ANK3: variants seen among roughly 807,000 people sequenced by gnomAD.
The protein encoded by ANK3 is ankyrin-3.
In ANK3, 57 loss-of-function variants were observed where a neutral mutation model predicts 370.9. The observed-to-expected ratio is 0.15, with a 90% CI of 0.12 to 0.19. The LOEUF is 0.19. Ranked by LOEUF, ANK3 falls within the 10% of genes least tolerant of loss-of-function variation. The probability of loss-of-function intolerance (pLI) is 1.00; values close to 1 mark genes in which losing one functional copy is unlikely to be tolerated. For synonymous variants in ANK3, 1,929 were observed against 1,946.3 expected, an observed-to-expected ratio of 0.99 and a Z score of 0.23; for missense variants, 4,439 against 5,302.1, an observed-to-expected ratio of 0.84 and a Z score of 5.06.
At chr10:60,687,531 A>ACACACACAC (rs111633246) in intron 1 of ANK3, among the ~76,000 whole-genome samples, 10 of 121,006 alleles carry the variant, frequency 8.3e-5, no homozygotes, top group African/African-American at 3.6e-4. Flanking sequence ...CTGGTATAAA[A>ACACACACAC]AAAAACACAC....
intron 23 of ANK3, among the ~76,000 whole-genome samples, chr10:60,141,238 A>C (rs181454508): frequency 4.5e-4 from 68 of 152,294 alleles, no homozygotes; most frequent in African/African-American, 1.1e-3. Flanking sequence ...AGTTGGAAAA[A>C]GCAAATGGGT....
intron 43 of ANK3, among the ~76,000 whole-genome samples, chr10:60,041,950 T>A (rs10994162): frequency 6.6e-6 from 1 of 151,694 alleles, no homozygotes; most frequent in Non-Finnish European, 1.5e-5. Context: ...AGAAGACTGG[T>A]GGTGAACTAA....
At chr10:60,169,363 A>AGTTTGTTT (rs372143456) in intron 21 of ANK3, among the ~76,000 whole-genome samples, 2 of 47,320 alleles carry the variant, frequency 4.2e-5, no homozygotes, top group African/African-American at 1.7e-4. Flanking sequence ...CTTGTCTCAT[A>AGTTTGTTT]GTTTTTTTTT....
At chr10:60,183,533 T>C (rs925744405) in intron 17 of ANK3, among the ~76,000 whole-genome samples, 2 of 152,140 alleles carry the variant, frequency 1.3e-5, no homozygotes, top group Admixed American at 6.6e-5. Context: ...CTGTTAATCT[T>C]TTATGGCATT....
At chr10:60,045,063 A>T (rs2131874760) in intron 42 of ANK3, among the ~76,000 whole-genome samples, 1 of 152,318 alleles carries the variant, frequency 6.6e-6, no homozygotes, top group South Asian at 2.1e-4. Context: ...AATCTATAAG[A>T]ACACAAAGTT....
intron 1 of ANK3, among the ~76,000 whole-genome samples, chr10:60,720,917 T>C (rs981980452): frequency 3.3e-5 from 5 of 152,188 alleles, no homozygotes; most frequent in African/African-American, 1.2e-4. Context: ...CCAGACCTTT[T>C]GAAGGTCAAA....
At position 60,072,120 on chromosome 10, in the gene ANK3, C is replaced by A. The variant is rs773187995; in HGVS notation, c.8761G>T (p.Val2921Leu). 3 of 1,613,926 alleles carry A rather than the reference C, an allele frequency of 1.9e-6. No individual in the cohort carries two copies. The part of the protein sequence containing the change: ...GSLSEIKEMT[V>L]KSPSKKVLYR... ...AAGACTTTTTTGGAGGGAGATTTTA[C>A]AGTCATTTCTTTAATTTCTGAGAGA... The change falls in exon 37 of 44, where the codon GTA becomes TTA. Residue 2921 changes from valine to leucine, a missense_variant. By Grantham distance (32) the Val-to-Leu change is conservative. Transcript: ENST00000280772.
chr10:60,675,886 T>C (rs952926713), intron 1 of ANK3, among the ~76,000 whole-genome samples: 3 of 152,172 alleles, frequency 2.0e-5, no homozygotes, highest in Non-Finnish European at 4.4e-5. Context: ...GGGGCCACAG[T>C]TCTTCAGGAA....
intron 5 of ANK3, among the ~76,000 whole-genome samples, chr10:60,269,505 G>A (rs2097930764): frequency 6.6e-6 from 1 of 151,950 alleles, no homozygotes; most frequent in Admixed American, 6.6e-5. Flanking sequence ...TTAGCCATGT[G>A]TGGGTGGTGG....
intron 1 of ANK3, among the ~76,000 whole-genome samples, chr10:60,358,101 C>T (rs953029841): frequency 1.0e-4 from 5 of 48,018 alleles, no homozygotes; most frequent in East Asian, 2.1e-3. Context: ...CATATGTATA[C>T]ACACACACAC....
intron 1 of ANK3, among the ~76,000 whole-genome samples, chr10:60,298,300 A>G (rs568705852): frequency 2.4e-4 from 36 of 152,332 alleles, no homozygotes; most frequent in African/African-American, 8.4e-4. Context: ...ACAATACTGT[A>G]AAAACCACAA....
intron 1 of ANK3, among the ~76,000 whole-genome samples, chr10:60,367,944 T>C (rs1300013410): frequency 6.6e-6 from 1 of 152,274 alleles, no homozygotes; most frequent in African/African-American, 2.4e-5. Context: ...TTTCAGATGG[T>C]GGGAGCCTGC....
chr10:60,229,728 A>C (rs1240199629), intron 8 of ANK3, among the ~76,000 whole-genome samples: 1 of 152,260 alleles, frequency 6.6e-6, no homozygotes, highest in East Asian at 1.9e-4. Context: ...GACCAGTATA[A>C]AGTCAAGTAA....
At chr10:60,472,414 T>C (rs540611564) in intron 2 of ANK3, among the ~76,000 whole-genome samples, 6 of 152,300 alleles carry the variant, frequency 3.9e-5, no homozygotes, top group Admixed American at 3.9e-4. Flanking sequence ...TGCTAAATAA[T>C]TTACTGTATT....
At chr10:60,323,967 A>G (rs1266406995) in intron 1 of ANK3, among the ~76,000 whole-genome samples, 1 of 152,144 alleles carries the variant, frequency 6.6e-6, no homozygotes, top group Non-Finnish European at 1.5e-5. Flanking sequence ...GTAAGGGATA[A>G]TGTCGTTTAG....
At chr10:60,187,714 T>G (rs772980691) in intron 16 of ANK3, among the ~76,000 whole-genome samples, 14 of 152,198 alleles carry the variant, frequency 9.2e-5, no homozygotes, top group Admixed American at 9.2e-4. Flanking sequence ...TCATGGAAGT[T>G]AAGACACTAC....
intron 1 of ANK3, among the ~76,000 whole-genome samples, chr10:60,389,024 G>A (rs1486734936): frequency 3.3e-5 from 5 of 152,064 alleles, no homozygotes; most frequent in Admixed American, 1.3e-4. Flanking sequence ...CTTTTTCCAC[G>A]AGACAAACCT....
At chr10:60,655,818 G>A (rs1422925984) in intron 1 of ANK3, among the ~76,000 whole-genome samples, 1 of 152,028 alleles carries the variant, frequency 6.6e-6, no homozygotes, top group Non-Finnish European at 1.5e-5. Context: ...CCCTACACAG[G>A]TGTACCACTG....
intron 43 of ANK3, among the ~76,000 whole-genome samples, chr10:60,036,638 G>T (rs547428842): frequency 1.3e-5 from 2 of 151,804 alleles, no homozygotes; most frequent in Admixed American, 1.3e-4. Flanking sequence ...GGGTTTCACC[G>T]TGTTAGCCAG....
Sources: gnomAD v4.1 joint callset for allele counts (sites outside exome capture counted in the v4.1 genomes callset) on GRCh38, gnomAD v4.1.1 for gene constraint, MANE v1.5 for transcripts, NCBI Gene and HGNC (gene_info 2026-07-23, HGNC 2026-07-21) for gene names.